The following MACROD2 variants were observed in gnomAD, a reference collection of about 807,000 sequenced individuals.
MACROD2 encodes ADP-ribose glycohydrolase MACROD2.
Under a neutral mutation model 70.4 loss-of-function variants are expected in MACROD2, and 36 were observed. That is an observed-to-expected ratio of 0.51 (90% confidence interval 0.39 to 0.68). MACROD2 has a LOEUF of 0.68. Ranked by LOEUF, MACROD2 falls within the 30% of genes least tolerant of loss-of-function variation. The pLI is 0.00. For missense variants in MACROD2, 496 were observed against 538.4 expected, an observed-to-expected ratio of 0.92 and a Z score of 0.78; for synonymous variants, 172 against 178.8, an observed-to-expected ratio of 0.96 and a Z score of 0.30.
intron 4 of MACROD2, among the ~76,000 whole-genome samples, chr20:14,539,753 A>G (rs556065210): frequency 2.0e-5 from 3 of 152,300 alleles, no homozygotes; most frequent in South Asian, 2.1e-4. Flanking sequence ...TGTATAGACA[A>G]TTTACTTTGT....
intron 4 of MACROD2, among the ~76,000 whole-genome samples, chr20:14,677,309 G>A (rs547989996): frequency 6.6e-6 from 1 of 152,274 alleles, no homozygotes; most frequent in South Asian, 2.1e-4. Context: ...TAAGCTCCAA[G>A]GTAATATGAA....
chr20:14,478,068 A>T (rs1472908144), intron 3 of MACROD2, among the ~76,000 whole-genome samples: 1 of 152,212 alleles, frequency 6.6e-6, no homozygotes, highest in Non-Finnish European at 1.5e-5. Context: ...AGCATGCAGG[A>T]TATTACTCAG....
intron 4 of MACROD2, chr20:14,626,999 T>C (rs1984209011): frequency 6.6e-6 from 1 of 152,176 alleles, no homozygotes; most frequent in Non-Finnish European, 1.5e-5. Context: ...AGCTGTGACC[T>C]TGAGACCACC....
At chr20:14,084,109 G>A (rs947858865) in intron 2 of MACROD2, among the ~76,000 whole-genome samples, 9 of 148,258 alleles carry the variant, frequency 6.1e-5, no homozygotes, top group African/African-American at 1.7e-4. Flanking sequence ...GGAGAGAAGC[G>A]GTTACTAAGA....
At chr20:14,209,301 T>G (rs996511182) in intron 3 of MACROD2, among the ~76,000 whole-genome samples, 3 of 152,184 alleles carry the variant, frequency 2.0e-5, no homozygotes, top group Non-Finnish European at 4.4e-5. Flanking sequence ...TATTTTAGTA[T>G]TGAAGTTTAG....
chr20:15,972,825 A>C (rs1164636829), intron 13 of MACROD2, among the ~76,000 whole-genome samples: 1 of 150,884 alleles, frequency 6.6e-6, no homozygotes, highest in East Asian at 1.9e-4. Context: ...TCAAAAAAGA[A>C]AAAAAAAAGA....
At chr20:15,443,032 T>C (rs1278252228) in intron 7 of MACROD2, among the ~76,000 whole-genome samples, 1 of 152,176 alleles carries the variant, frequency 6.6e-6, no homozygotes. Context: ...TGCAAAATTT[T>C]CAGATACATC....
intron 5 of MACROD2, among the ~76,000 whole-genome samples, chr20:14,691,141 C>T (rs1192821057): frequency 6.6e-6 from 1 of 152,196 alleles, no homozygotes; most frequent in Non-Finnish European, 1.5e-5. Context: ...TGGTCTCAAA[C>T]TCCTGACCTC....
intron 8 of MACROD2, among the ~76,000 whole-genome samples, chr20:15,661,368 C>T (rs2049819386): frequency 6.6e-6 from 1 of 152,128 alleles, no homozygotes. Flanking sequence ...TGAATCAAAA[C>T]ATGATGGAGA....
rs547441532 is a variant in MACROD2 at position 16,013,505 on chromosome 20, G to T, written c.1153+26347G>T. ...ATACCTCAGTGCATATCAAGGGGTA[G>T]TTTGGGAGAACACCTCCAGTCAAGG... On this transcript the variant is annotated intron_variant, in intron 15 of 17. Transcript: ENST00000684519. 3.3e-5 allele frequency among the ~76,000 whole-genome samples: 5 copies of T among 152,340 alleles called. No individual in the cohort carries two copies. In the South Asian group the frequency reaches 1.0e-3, roughly 32 times the overall value.
intron 4 of MACROD2, among the ~76,000 whole-genome samples, chr20:14,606,672 CTT>C (rs1327089105): frequency 1.3e-5 from 2 of 152,074 alleles, no homozygotes; most frequent in Non-Finnish European, 2.9e-5. Context: ...CCAATAATAA[CTT>C]TAATTGTTAG....
chr20:15,342,772 C>T (rs995440111), intron 6 of MACROD2, among the ~76,000 whole-genome samples: 5 of 151,930 alleles, frequency 3.3e-5, no homozygotes, highest in South Asian at 2.1e-4. Flanking sequence ...GGGGAGTTTT[C>T]GGAGGGGTGG....
chr20:14,389,831 G>A (rs945207741), intron 3 of MACROD2, among the ~76,000 whole-genome samples: 8 of 152,168 alleles, frequency 5.3e-5, no homozygotes, highest in African/African-American at 1.7e-4. Context: ...CATTACCCTT[G>A]AAAACTGGAA....
chr20:15,190,652 A>G (rs1045012543), intron 5 of MACROD2, among the ~76,000 whole-genome samples: 1 of 152,142 alleles, frequency 6.6e-6, no homozygotes, highest in Non-Finnish European at 1.5e-5. Flanking sequence ...AGTTCCTAAG[A>G]AGAGGGGGCA....
intron 5 of MACROD2, among the ~76,000 whole-genome samples, chr20:14,762,236 T>C (rs969528853): frequency 3.3e-5 from 5 of 152,090 alleles, no homozygotes; most frequent in Non-Finnish European, 7.4e-5. Flanking sequence ...CCTCCACTTA[T>C]TCCGTCATGT....
chr20:14,978,879 TATAAA>T (rs1204091152), intron 5 of MACROD2, among the ~76,000 whole-genome samples: 1 of 18,262 alleles, frequency 5.5e-5, no homozygotes, highest in African/African-American at 1.0e-4. Context: ...TTATATAATA[TATAAA>T]ATATATATAT....
intron 3 of MACROD2, among the ~76,000 whole-genome samples, chr20:14,133,585 A>G (rs1175811529): frequency 1.3e-5 from 2 of 152,184 alleles, no homozygotes; most frequent in South Asian, 2.1e-4. Context: ...AAGAGGTACC[A>G]TTTCAGATAG....
At chr20:15,007,155 G>A (rs552189956) in intron 5 of MACROD2, among the ~76,000 whole-genome samples, 1 of 152,130 alleles carries the variant, frequency 6.6e-6, no homozygotes, top group South Asian at 2.1e-4. Flanking sequence ...ACAAGGTCAG[G>A]AGATCAAGAC....
chr20:15,679,030 A>C (rs779009219), intron 8 of MACROD2, among the ~76,000 whole-genome samples: 4 of 152,090 alleles, frequency 2.6e-5, no homozygotes, highest in Non-Finnish European at 5.9e-5. Context: ...TGAGGTCAGG[A>C]ATTCGAGACC....
Sources: allele counts gnomAD v4.1 joint callset (sites outside exome capture counted in the v4.1 genomes callset), GRCh38; gene constraint gnomAD v4.1.1; transcripts MANE v1.5; gene names NCBI Gene and HGNC (gene_info 2026-07-23, HGNC 2026-07-21).